DOK5: variants seen among roughly 807,000 people sequenced by gnomAD.
DOK5 encodes docking protein 5, also known as downstream of tyrosine kinase 5.
DOK5 carries 27 observed loss-of-function variants against 43.3 expected under a neutral mutation model. That is an observed-to-expected ratio of 0.62 (90% CI 0.46 to 0.86). The LOEUF (loss-of-function observed/expected upper bound fraction) is 0.86, where lower values mean the gene tolerates loss of function less well. Ranked by LOEUF, DOK5 falls within the 40% of genes least tolerant of loss-of-function variation. DOK5 has a pLI of 0.00. For synonymous variants in DOK5, 146 were observed against 140.1 expected, an observed-to-expected ratio of 1.04 and a Z score of -0.30; for missense variants, 373 against 392.9, an observed-to-expected ratio of 0.95 and a Z score of 0.43.
intron 1 of DOK5, among the ~76,000 whole-genome samples, chr20:54,550,569 C>A (rs1167644778): frequency 6.6e-6 from 1 of 152,206 alleles, no homozygotes; most frequent in African/African-American, 2.4e-5. Flanking sequence ...AACTTCAGAC[C>A]ATCGTTAATC....
chr20:54,556,933 G>A (rs1273878509), intron 2 of DOK5, among the ~76,000 whole-genome samples: 2 of 152,168 alleles, frequency 1.3e-5, no homozygotes, highest in African/African-American at 2.4e-5. Flanking sequence ...AATAGGCTAT[G>A]TTACAGATAG....
chr20:54,647,072 G>A (rs1011888437), intron 7 of DOK5, among the ~76,000 whole-genome samples: 27 of 152,206 alleles, frequency 1.8e-4, no homozygotes, highest in Non-Finnish European at 3.5e-4. Context: ...GTGGGGAAAG[G>A]GAGGTGGCTG....
intron 7 of DOK5, among the ~76,000 whole-genome samples, chr20:54,650,143 C>T (rs1200816526): frequency 6.6e-6 from 1 of 152,124 alleles, no homozygotes. Flanking sequence ...CTCCTGAATA[C>T]CCTGGATATG....
chr20:54,582,818 A>G (rs542033730), intron 2 of DOK5, among the ~76,000 whole-genome samples: 1 of 151,886 alleles, frequency 6.6e-6, no homozygotes, highest in Non-Finnish European at 1.5e-5. Flanking sequence ...TCAAAAACCA[A>G]TTCTTGGTTT....
chr20:54,568,813 C>A (rs981449095), intron 2 of DOK5, among the ~76,000 whole-genome samples: 13 of 151,946 alleles, frequency 8.6e-5, no homozygotes, highest in Admixed American at 2.0e-4. Context: ...GCCTGTAGTC[C>A]CAGCTACTCG....
chr20:54,499,278 G>A (rs1026600128), intron 1 of DOK5, among the ~76,000 whole-genome samples: 4 of 152,096 alleles, frequency 2.6e-5, no homozygotes, highest in Admixed American at 2.0e-4. Flanking sequence ...ATCCTTTAAG[G>A]CATGTGTTAT....
chr20:54,526,339 C>T (rs923412867), intron 1 of DOK5, among the ~76,000 whole-genome samples: 8 of 152,166 alleles, frequency 5.3e-5, no homozygotes, highest in Middle Eastern at 3.4e-3. Flanking sequence ...GGGACGACGA[C>T]GGCATGGCGC....
intron 5 of DOK5, among the ~76,000 whole-genome samples, chr20:54,593,759 T>C (rs1326415512): frequency 6.6e-6 from 1 of 152,222 alleles, no homozygotes; most frequent in Non-Finnish European, 1.5e-5. Context: ...TGCTCATCGA[T>C]GATAGACTGG....
chr20:54,539,887 C>T (rs1984089411), intron 1 of DOK5, among the ~76,000 whole-genome samples: 1 of 152,210 alleles, frequency 6.6e-6, no homozygotes, highest in Admixed American at 6.5e-5. Context: ...AGAGAAATTC[C>T]ACCTAAGACG....
rs1369545545 is a variant in DOK5 at position 54,597,495 on chromosome 20, G to A, written c.599+5690G>A. The stretch of plus-strand genomic sequence containing the variant: ...GAGCCCTTACTATATGAAAGCCTCT[G>A]TACTAAGAGGCTCATTACCTCATTT... On this transcript the variant is annotated intron_variant, in intron 5 of 7. Transcript: ENST00000262593. 3.3e-5 allele frequency among the ~76,000 whole-genome samples: 5 copies of A among 152,142 alleles called. No homozygotes were observed. The East Asian group carries it at 7.7e-4, about 23-fold the overall frequency.
chr20:54,634,782 G>A (rs1343238683), intron 6 of DOK5, among the ~76,000 whole-genome samples: 2 of 151,248 alleles, frequency 1.3e-5, no homozygotes, highest in African/African-American at 2.4e-5. Flanking sequence ...TTGGTAACAG[G>A]TTTATTGAGA....
intron 1 of DOK5, among the ~76,000 whole-genome samples, chr20:54,486,330 G>A (rs539751382): frequency 1.1e-4 from 16 of 144,172 alleles, no homozygotes; most frequent in Non-Finnish European, 2.2e-4. Context: ...ACAGTGATAT[G>A]TCTATATATG....
chr20:54,640,466 G>A (rs1325980258), intron 6 of DOK5, among the ~76,000 whole-genome samples: 10 of 152,200 alleles, frequency 6.6e-5, no homozygotes, highest in Admixed American at 3.9e-4. Flanking sequence ...GACTTCCTGC[G>A]TCTTTTCTCC....
At chr20:54,553,896 C>CAAAA (rs761243905) in intron 1 of DOK5, among the ~76,000 whole-genome samples, 919 of 80,096 alleles carry the variant, frequency 0.011, 20 homozygotes, top group African/African-American at 0.033. Flanking sequence ...GACTCTGTCT[C>CAAAA]AAAAAAAAAA....
At chr20:54,608,938 G>A (rs181638845) in intron 5 of DOK5, among the ~76,000 whole-genome samples, 1 of 152,242 alleles carries the variant, frequency 6.6e-6, no homozygotes, top group Non-Finnish European at 1.5e-5. Flanking sequence ...GCCTCCCAAA[G>A]TGCTGGGATT....
chr20:54,504,285 C>A (rs1023413845), intron 1 of DOK5, among the ~76,000 whole-genome samples: 1 of 152,302 alleles, frequency 6.6e-6, no homozygotes, highest in South Asian at 2.1e-4. Flanking sequence ...GAAAGCAATT[C>A]TTTGAAAAAT....
At chr20:54,544,352 G>A (rs974462) in intron 1 of DOK5, among the ~76,000 whole-genome samples, 2,015 of 152,178 alleles carry the variant, frequency 0.013, 47 homozygotes, top group African/African-American at 0.046. Flanking sequence ...GGAATTGGTA[G>A]CAGCCTGTAT....
chr20:54,565,582 T>C (rs923534650), intron 2 of DOK5, among the ~76,000 whole-genome samples: 1 of 152,164 alleles, frequency 6.6e-6, no homozygotes, highest in African/African-American at 2.4e-5. Context: ...CTGAGCAGCA[T>C]AGTCTCAACA....
chr20:54,638,226 T>C (rs1227065057), intron 6 of DOK5, among the ~76,000 whole-genome samples: 1 of 151,976 alleles, frequency 6.6e-6, no homozygotes, highest in African/African-American at 2.4e-5. Context: ...TGATGAGATA[T>C]CTGGTAGAAG....
Sources: gnomAD v4.1 joint callset for allele counts (sites outside exome capture counted in the v4.1 genomes callset) on GRCh38, gnomAD v4.1.1 for gene constraint, MANE v1.5 for transcripts, NCBI Gene and HGNC (gene_info 2026-07-23, HGNC 2026-07-21) for gene names.